CLSTN2: variants seen among roughly 807,000 people sequenced by gnomAD.
CLSTN2 encodes the protein calsyntenin 2, also known as calsyntenin-2.
In CLSTN2, 48 loss-of-function variants were observed where a neutral mutation model predicts 101.2. That is an observed-to-expected ratio of 0.47 (90% confidence interval 0.38 to 0.60). CLSTN2 has a LOEUF of 0.60. Among genes scored for constraint, CLSTN2 ranks in the 20% least tolerant of loss-of-function variants. The probability of loss-of-function intolerance (pLI) is 0.00; values close to 1 mark genes in which losing one functional copy is unlikely to be tolerated. For synonymous variants in CLSTN2, 481 were observed against 463.6 expected (o/e 1.04, Z -0.48); for missense variants, 1,160 against 1,238.2 (o/e 0.94, Z 0.95).
intron 2 of CLSTN2, among the ~76,000 whole-genome samples, chr3:140,264,783 G>GA (rs1189541815): frequency 6.6e-6 from 1 of 151,984 alleles, no homozygotes; most frequent in Non-Finnish European, 1.5e-5. Flanking sequence ...TAGGACAGCT[G>GA]AAAAAAATGA....
rs2009052299 is a variant in CLSTN2 at position 140,106,015 on chromosome 3, A to G, written c.110-69936A>G. On this transcript the variant is annotated intron_variant, in intron 1 of 16. Transcript: ENST00000458420. ...ATCGGCAGAACGTGGTAACTTCCCT[A>G]GGAAAGATGGGTGGAGGCCTTTTCC... Among the ~76,000 whole-genome samples the G allele has an allele frequency of 5.3e-5, 8 of 152,296 alleles. 1 individual carries two copies. The South Asian group carries it at 1.7e-3, about 32-fold the overall frequency.
At chr3:140,028,631 T>C (rs1281363564) in intron 1 of CLSTN2, among the ~76,000 whole-genome samples, 1 of 152,166 alleles carries the variant, frequency 6.6e-6, no homozygotes, top group East Asian at 1.9e-4. Context: ...ATGGGCTGAG[T>C]GCCAGCCACA....
chr3:140,363,545 T>C (rs1043805987), intron 2 of CLSTN2, among the ~76,000 whole-genome samples: 1 of 152,214 alleles, frequency 6.6e-6, no homozygotes, highest in Non-Finnish European at 1.5e-5. Context: ...ACTGATAGCA[T>C]AGCAGAGTCT....
intron 2 of CLSTN2, among the ~76,000 whole-genome samples, chr3:140,227,891 C>T (rs1458129509): frequency 6.6e-6 from 1 of 152,190 alleles, no homozygotes; most frequent in Non-Finnish European, 1.5e-5. Flanking sequence ...GACACCAAGT[C>T]CCTAGACTGT....
intron 2 of CLSTN2, among the ~76,000 whole-genome samples, chr3:140,186,929 A>G (rs778798091): frequency 9.2e-5 from 14 of 152,192 alleles, no homozygotes; most frequent in Non-Finnish European, 1.8e-4. Context: ...AAAAAACAAA[A>G]CAAAACAAAT....
At chr3:140,476,536 T>C (rs936505147) in intron 8 of CLSTN2, among the ~76,000 whole-genome samples, 1 of 152,162 alleles carries the variant, frequency 6.6e-6, no homozygotes, top group African/African-American at 2.4e-5. Flanking sequence ...TGTACAATCT[T>C]AGTGAATATG....
At chr3:140,029,644 G>A (rs1049510295) in intron 1 of CLSTN2, among the ~76,000 whole-genome samples, 26 of 152,258 alleles carry the variant, frequency 1.7e-4, no homozygotes, top group Admixed American at 8.5e-4. Context: ...CTGTATATAA[G>A]AAATGCACAG....
intron 4 of CLSTN2, among the ~76,000 whole-genome samples, chr3:140,415,235 C>T (rs1441771543): frequency 6.6e-6 from 1 of 151,852 alleles, no homozygotes; most frequent in East Asian, 1.9e-4. Flanking sequence ...TATAAAAACC[C>T]TAGAAGAAAA....
At chr3:140,248,064 C>T (rs1004534071) in intron 2 of CLSTN2, among the ~76,000 whole-genome samples, 2 of 152,180 alleles carry the variant, frequency 1.3e-5, no homozygotes, top group Non-Finnish European at 2.9e-5. Flanking sequence ...CCTGCTGCCT[C>T]CCAGGCATCC....
intron 9 of CLSTN2, among the ~76,000 whole-genome samples, chr3:140,534,244 C>T: frequency 6.6e-6 from 1 of 152,086 alleles, no homozygotes; most frequent in East Asian, 1.9e-4. Flanking sequence ...TGGATAATGC[C>T]CCTAAGAAAA....
intron 1 of CLSTN2, among the ~76,000 whole-genome samples, chr3:140,003,549 A>G (rs2006891153): frequency 6.6e-6 from 1 of 152,172 alleles, no homozygotes; most frequent in Admixed American, 6.5e-5. Context: ...TGCTCCAGCT[A>G]GGACTTCCAG....
intron 1 of CLSTN2, among the ~76,000 whole-genome samples, chr3:139,990,265 A>T (rs1362086510): frequency 6.6e-6 from 1 of 152,226 alleles, no homozygotes; most frequent in Non-Finnish European, 1.5e-5. Context: ...CATAACTGCT[A>T]AAATACCATG....
At chr3:139,962,062 T>A (rs1382597633) in intron 1 of CLSTN2, among the ~76,000 whole-genome samples, 2 of 152,176 alleles carry the variant, frequency 1.3e-5, no homozygotes, top group Non-Finnish European at 2.9e-5. Flanking sequence ...GATATATTAG[T>A]GGTTTCCAAT....
chr3:140,385,511 G>A (rs1359345684), intron 2 of CLSTN2, among the ~76,000 whole-genome samples: 2 of 151,788 alleles, frequency 1.3e-5, no homozygotes, highest in African/African-American at 2.4e-5. Flanking sequence ...TGGGACTACA[G>A]GTGCCCACCA....
At chr3:140,109,268 C>G (rs2009113759) in intron 1 of CLSTN2, among the ~76,000 whole-genome samples, 1 of 152,148 alleles carries the variant, frequency 6.6e-6, no homozygotes, top group Admixed American at 6.5e-5. Context: ...TCTACTCTAC[C>G]AGAAATCCAG....
chr3:140,084,972 C>T (rs947639747), intron 1 of CLSTN2, among the ~76,000 whole-genome samples: 12 of 152,218 alleles, frequency 7.9e-5, no homozygotes, highest in African/African-American at 2.9e-4. Context: ...GTACCCACAG[C>T]ATGTGCAATC....
intron 2 of CLSTN2, among the ~76,000 whole-genome samples, chr3:140,280,014 C>T (rs989618208): frequency 6.6e-6 from 1 of 152,232 alleles, no homozygotes; most frequent in Admixed American, 6.5e-5. Flanking sequence ...CATCCCTTAG[C>T]TAGGGACCCT....
chr3:140,303,429 G>T (rs1241657571), intron 2 of CLSTN2, among the ~76,000 whole-genome samples: 1 of 152,130 alleles, frequency 6.6e-6, no homozygotes, highest in Non-Finnish European at 1.5e-5. Context: ...GCCCAAGTTT[G>T]TGAACCTTGA....
At position 139,955,186 on chromosome 3, in the gene CLSTN2, T is replaced by C. The variant is rs377303892; in HGVS notation, c.109+19703T>C. ...ATAACATCTGATTTATTTGAAAAGT[T>C]CTCTTAATTCTGGGTGGCTGACCCG... On this transcript the variant is annotated intron_variant, in intron 1 of 16. Coordinates refer to ENST00000458420, the MANE Select transcript of CLSTN2 (RefSeq NM_022131.3). Among the ~76,000 whole-genome samples the C allele has an allele frequency of 5.6e-5, 8 of 142,386 alleles. No individual in the cohort carries two copies. In the East Asian group the frequency reaches 1.7e-3, roughly 30 times the overall value. The allele number at this position is 142,386 out of a possible 152,430, so 93.4% of individuals were successfully genotyped here. A position where few individuals can be genotyped will look rare whatever the true frequency, so the allele number is the denominator to read the frequency against.
Sources: allele counts gnomAD v4.1 joint callset (sites outside exome capture counted in the v4.1 genomes callset), GRCh38; gene constraint gnomAD v4.1.1; transcripts MANE v1.5; gene names NCBI Gene and HGNC (gene_info 2026-07-23, HGNC 2026-07-21).